SLC44A1: variants seen among roughly 807,000 people sequenced by gnomAD.
SLC44A1 encodes the protein solute carrier family 44 member 1.
Under a neutral mutation model 79.3 loss-of-function variants are expected in SLC44A1, and 26 were observed. That is an observed-to-expected ratio of 0.33 (90% CI 0.24 to 0.46). The LOEUF (loss-of-function observed/expected upper bound fraction) is 0.46, where lower values mean the gene tolerates loss of function less well. SLC44A1 is among the 20% of genes least tolerant of loss of function. The pLI, the probability that SLC44A1 is intolerant of heterozygous loss-of-function variation, is 1.00. For synonymous variants in SLC44A1, 263 were observed against 286.2 expected, an observed-to-expected ratio of 0.92 and a Z score of 0.82; for missense variants, 688 against 798.1, an observed-to-expected ratio of 0.86 and a Z score of 1.66.
chr9:105,348,988 G>A (rs10120833), intron 5 of SLC44A1, among the ~76,000 whole-genome samples: 10,006 of 152,140 alleles, frequency 0.066, 1,114 homozygotes, highest in African/African-American at 0.23. Context: ...TTATTATTAA[G>A]TACCTACTGT....
intron 3 of SLC44A1, among the ~76,000 whole-genome samples, chr9:105,324,154 A>G (rs1323942722): frequency 6.6e-6 from 1 of 151,608 alleles, no homozygotes; most frequent in African/African-American, 2.4e-5. Context: ...GGCGCCCGCC[A>G]CCACGCCCGG....
At chr9:105,252,771 G>A (rs1243831631) in intron 1 of SLC44A1, among the ~76,000 whole-genome samples, 1 of 152,186 alleles carries the variant, frequency 6.6e-6, no homozygotes, top group African/African-American at 2.4e-5. Flanking sequence ...AATTCACTCT[G>A]TGAAGATGGT....
chr9:105,429,765 T>C (rs1039254378), intron 15 of SLC44A1, among the ~76,000 whole-genome samples: 5 of 152,170 alleles, frequency 3.3e-5, no homozygotes, highest in African/African-American at 1.2e-4. Context: ...ACTTAAATCT[T>C]CAAATACGGA....
Position 105,361,204 on chromosome 9 carries a change from A to G in SLC44A1, c.774A>G (p.Val258=), listed in dbSNP as rs1259416797. The change falls in exon 8 of 16, where the codon GTA becomes GTG. Residue 258 remains valine (V), a synonymous_variant. Coordinates refer to ENST00000374720, the MANE Select transcript of SLC44A1 (RefSeq NM_080546.5). ...VILGSLGGTG[V]LWWLYAKQRR... The stretch of plus-strand genomic sequence containing the variant: ...TTTTGTCTCCAGGAGGCACAGGTGT[A>G]CTATGGTGGCTGTATGCAAAGCAAA... 3.7e-6 allele frequency: 6 copies of G among 1,613,966 alleles called. No individual in the cohort carries two copies. Among genetic ancestry groups the G allele is most frequent in the Non-Finnish European group, 5.1e-6 (6 of 1,179,930 alleles).
chr9:105,330,355 C>T (rs1826712449), intron 3 of SLC44A1, among the ~76,000 whole-genome samples: 1 of 152,184 alleles, frequency 6.6e-6, no homozygotes, highest in Non-Finnish European at 1.5e-5. Flanking sequence ...CCAGTCAGTT[C>T]CATCATTTGT....
In SLC44A1 at chr9:105,393,659, A is replaced by G. The variant is rs1340186711; in HGVS notation, c.*4603A>G. On this transcript the variant is annotated 3_prime_UTR_variant, in exon 16 of 16. Coordinates refer to ENST00000374720, the MANE Select transcript of SLC44A1 (RefSeq NM_080546.5). ...CTTTCTTCCCATCTTGATTTTGTAC[A>G]TGTAAAGACAAATGATGATTCAGTT... The G allele has an allele frequency of 2.0e-6, 2 of 984,530 alleles. No homozygotes were observed. The highest frequency in any genetic ancestry group is 1.7e-5 in the African/African-American group (1 of 57,222). 61.0% of individuals were successfully genotyped at this position (984,530 alleles called of 1,614,324 possible). A position where few individuals can be genotyped will look rare whatever the true frequency, so the allele number is the denominator to read the frequency against.
intron 4 of SLC44A1, among the ~76,000 whole-genome samples, chr9:105,340,759 G>A (rs900403174): frequency 5.9e-5 from 9 of 152,164 alleles, no homozygotes; most frequent in African/African-American, 1.9e-4. Context: ...CCATTCACAT[G>A]AAATTTTATT....
chr9:105,354,843 C>G (rs1827570571), intron 5 of SLC44A1, among the ~76,000 whole-genome samples: 1 of 152,064 alleles, frequency 6.6e-6, no homozygotes, highest in Non-Finnish European at 1.5e-5. Context: ...AAGCATTTTT[C>G]GAGGAAGGAA....
intron 3 of SLC44A1, among the ~76,000 whole-genome samples, chr9:105,312,947 T>G (rs766817158): frequency 6.6e-6 from 1 of 152,202 alleles, no homozygotes; most frequent in Non-Finnish European, 1.5e-5. Flanking sequence ...TTTGGTGGTG[T>G]TGTCTATAGC....
At chr9:105,387,060 A>AAAAAAAAAAAAAAAAATATAT (rs34780893) in intron 15 of SLC44A1, among the ~76,000 whole-genome samples, 1 of 7,730 alleles carries the variant, frequency 1.3e-4, no homozygotes, top group Non-Finnish European at 2.4e-4. Flanking sequence ...AAAAAAAAAA[A>AAAAAAAAAAAAAAAAATATAT]ATATATATAT....
intron 1 of SLC44A1, among the ~76,000 whole-genome samples, chr9:105,284,809 A>C (rs1830437590): frequency 6.6e-6 from 1 of 152,186 alleles, no homozygotes. Context: ...TTGAGATATA[A>C]TTCATATACC....
At chr9:105,314,305 T>C (rs1211007083) in intron 3 of SLC44A1, among the ~76,000 whole-genome samples, 2 of 152,174 alleles carry the variant, frequency 1.3e-5, no homozygotes, top group African/African-American at 2.4e-5. Context: ...GGAGAAGATA[T>C]GGCAAAGTGG....
chr9:105,299,299 G>A lies in SLC44A1; in HGVS notation c.116G>A (p.Cys39Tyr). 6.3e-7 allele frequency: 1 copy of A among 1,581,168 alleles called. No homozygotes were observed. The highest frequency in any genetic ancestry group is 1.4e-5 in the African/African-American group (1 of 72,888). Residue 39 changes from cysteine (C) to tyrosine (Y), a missense_variant, in exon 2 of 16, where the codon TGC (cysteine) becomes TAC (tyrosine). By Grantham distance (194) the Cys-to-Tyr change is radical. Transcript: ENST00000374720. ...TGGCTGCTGCTCTTCATCCTCTTCTGCATTGGGATGGTAAGGAAACTCTCA... is the reference window on the plus strand; with the variant it reads ...TGGCTGCTGCTCTTCATCCTCTTCTACATTGGGATGGTAAGGAAACTCTCA... ...IPWLLLFILF[C>Y]IGMGFICGFS...
intron 5 of SLC44A1, 52 bp downstream of exon 5, chr9:105,348,503 A>G (rs1419344679): frequency 1.9e-6 from 2 of 1,062,376 alleles, no homozygotes; most frequent in South Asian, 2.5e-5. Context: ...TTGTAGGTAA[A>G]TTTTAAACAA....
intron 3 of SLC44A1, among the ~76,000 whole-genome samples, chr9:105,328,950 A>G (rs1279799745): frequency 6.6e-6 from 1 of 152,130 alleles, no homozygotes; most frequent in Non-Finnish European, 1.5e-5. Flanking sequence ...TCCTAGTATA[A>G]CAGGGCTCTC....
Position 105,413,459 on chromosome 9 carries a change from G to A in SLC44A1, c.1951-24822G>A, listed in dbSNP as rs73514033. ...TCTCTGGCCTGTCTGGAATGCAGAT[G>A]TGATCCTACTTGAAAGAACAAAAGA... On this transcript the variant is annotated intron_variant, in intron 15 of 15. Transcript: ENST00000374724. 8.5e-3 allele frequency among the ~76,000 whole-genome samples: 1,293 copies of A among 152,316 alleles called. 18 individuals are homozygous for A. Among genetic ancestry groups the A allele is most frequent in the African/African-American group, 0.03 (1,228 of 41,564 alleles).
chr9:105,432,007 C>T (rs1274409415), intron 15 of SLC44A1, among the ~76,000 whole-genome samples: 1 of 152,248 alleles, frequency 6.6e-6, no homozygotes, highest in Non-Finnish European at 1.5e-5. Context: ...ACTGCAACCT[C>T]TGCTTCCTGG....
chr9:105,414,249 G>C (rs1044119970), intron 15 of SLC44A1, among the ~76,000 whole-genome samples: 2 of 151,990 alleles, frequency 1.3e-5, no homozygotes, highest in Non-Finnish European at 2.9e-5. Flanking sequence ...TAGAGATGGG[G>C]TTTCACTGTG....
intron 15 of SLC44A1, among the ~76,000 whole-genome samples, chr9:105,420,006 A>G (rs541020971): frequency 6.6e-6 from 1 of 151,332 alleles, no homozygotes; most frequent in East Asian, 1.9e-4. Flanking sequence ...CCTACCTCCC[A>G]TGCAGTGCTC....
Sources: gnomAD v4.1 joint callset for allele counts (sites outside exome capture counted in the v4.1 genomes callset) on GRCh38, gnomAD v4.1.1 for gene constraint, MANE v1.5 for transcripts, NCBI Gene and HGNC (gene_info 2026-07-23, HGNC 2026-07-21) for gene names.